Variants in RIMS2 observed in about 807,000 individuals in gnomAD.
RIMS2 encodes regulating synaptic membrane exocytosis 2.
A neutral mutation model predicts 174.4 loss-of-function variants in RIMS2; 59 were observed. That is an observed-to-expected ratio of 0.34 (90% CI 0.27 to 0.42). RIMS2 has a LOEUF of 0.42. Among genes scored for constraint, RIMS2 ranks in the 10% least tolerant of loss-of-function variants. The probability of loss-of-function intolerance (pLI) is 1.00; values close to 1 mark genes in which losing one functional copy is unlikely to be tolerated. For missense variants in RIMS2, 1,620 were observed against 1,666.3 expected (o/e 0.97, Z 0.48); for synonymous variants, 606 against 572.5 (o/e 1.06, Z -0.84).
At chr8:103,881,201 C>T (rs1246520588) in intron 3 of RIMS2, among the ~76,000 whole-genome samples, 2 of 151,174 alleles carry the variant, frequency 1.3e-5, no homozygotes, top group Non-Finnish European at 3.0e-5. Flanking sequence ...CACTGTATGT[C>T]CAGTGTTGTC....
chr8:103,521,694 A>G (rs1341922629), intron 1 of RIMS2, among the ~76,000 whole-genome samples: 1 of 152,024 alleles, frequency 6.6e-6, no homozygotes, highest in East Asian at 1.9e-4. Flanking sequence ...TGTCATGCCA[A>G]ATGTGGGACA....
At chr8:104,198,433 C>T (rs987416438) in intron 19 of RIMS2, among the ~76,000 whole-genome samples, 4 of 152,132 alleles carry the variant, frequency 2.6e-5, no homozygotes, top group Non-Finnish European at 2.9e-5. Context: ...TATTATTTTC[C>T]TCCTTATGAG....
chr8:103,754,463 A>C (rs2097948953), intron 2 of RIMS2, among the ~76,000 whole-genome samples: 1 of 152,166 alleles, frequency 6.6e-6, no homozygotes, highest in African/African-American at 2.4e-5. Flanking sequence ...TGCAGAGCTG[A>C]GTTCAATTCC....
intron 1 of RIMS2, among the ~76,000 whole-genome samples, chr8:103,550,408 T>A (rs1847197507): frequency 6.6e-6 from 1 of 152,074 alleles, no homozygotes; most frequent in Non-Finnish European, 1.5e-5. Flanking sequence ...TTGAAACCAG[T>A]GAGAACAAAG....
At chr8:104,032,193 A>G (rs1290881455) in intron 19 of RIMS2, among the ~76,000 whole-genome samples, 1 of 152,060 alleles carries the variant, frequency 6.6e-6, no homozygotes, top group Non-Finnish European at 1.5e-5. Context: ...TGCAAATGCT[A>G]TTGAGATATT....
At chr8:104,206,486 T>G (rs1400628011) in intron 19 of RIMS2, among the ~76,000 whole-genome samples, 4 of 152,190 alleles carry the variant, frequency 2.6e-5, no homozygotes, top group Non-Finnish European at 5.9e-5. Context: ...CATTAAATTA[T>G]CCATTTAAAA....
intron 19 of RIMS2, among the ~76,000 whole-genome samples, chr8:104,234,351 A>C (rs1408720792): frequency 6.6e-6 from 1 of 152,082 alleles, no homozygotes; most frequent in Non-Finnish European, 1.5e-5. Context: ...TTTCACATCC[A>C]TTCTTGAGAC....
intron 19 of RIMS2, among the ~76,000 whole-genome samples, chr8:104,191,066 C>T (rs1012440328): frequency 6.6e-6 from 1 of 151,756 alleles, no homozygotes; most frequent in African/African-American, 2.4e-5. Flanking sequence ...AGGTTTGTTA[C>T]CTAAATCATT....
chr8:103,931,515 T>C (rs748355845), intron 12 of RIMS2, 122 bp downstream of exon 14: 123 of 605,430 alleles, frequency 2.0e-4, no homozygotes, highest in Non-Finnish European at 2.8e-4. Flanking sequence ...AAGTTTAACA[T>C]AAACGTGATG....
At chr8:104,054,430 T>G (rs1487694218) in intron 19 of RIMS2, among the ~76,000 whole-genome samples, 1 of 152,124 alleles carries the variant, frequency 6.6e-6, no homozygotes, top group Non-Finnish European at 1.5e-5. Flanking sequence ...AATATTTCCT[T>G]TTTTCATTAA....
intron 1 of RIMS2, among the ~76,000 whole-genome samples, chr8:103,560,038 C>T (rs1327261379): frequency 6.6e-6 from 1 of 152,136 alleles, no homozygotes; most frequent in East Asian, 1.9e-4. Context: ...TAGAAGGAGA[C>T]ATTATTATTT....
intron 17 of RIMS2, 124 bp from the exon 20 acceptor site, chr8:104,013,318 A>G (rs1214641810): frequency 1.2e-6 from 1 of 804,582 alleles, no homozygotes; most frequent in Non-Finnish European, 1.9e-6. Flanking sequence ...TGGGGAAAAG[A>G]AAAATTTTTA....
chr8:104,108,651 G>C (rs956123681), intron 19 of RIMS2, among the ~76,000 whole-genome samples: 3 of 151,938 alleles, frequency 2.0e-5, no homozygotes, highest in African/African-American at 7.3e-5. Context: ...TTTCATGCAG[G>C]ATTTTTAGAT....
At chr8:103,663,067 G>T (rs1288591365) in intron 1 of RIMS2, among the ~76,000 whole-genome samples, 1 of 152,038 alleles carries the variant, frequency 6.6e-6, no homozygotes, top group African/African-American at 2.4e-5. Flanking sequence ...TACTCAGGGG[G>T]CTGAGGCAGG....
In RIMS2 at chr8:103,834,676, T is replaced by TTTTCTTTCTTTCTTTCTTTCTTTC. The variant is rs71297240; in HGVS notation, c.699-50576_699-50553dup. Reference sequence around the variant, plus strand: ...TCAAGCCAGCAAGCCTCTGAGGTCTTTTTCTTTCTTTCTTTCTTTCTTTCT... The same window carrying TTTTCTTTCTTTCTTTCTTTCTTTC: ...TCAAGCCAGCAAGCCTCTGAGGTCTTTTTCTTTCTTTCTTTCTTTCTTTCTTTCTTTCTTTCTTTCTTTCTTTCT... On this transcript the variant is annotated intron_variant, in intron 3 of 23. Transcript: ENST00000504942. Among the ~76,000 whole-genome samples the TTTTCTTTCTTTCTTTCTTTCTTTC allele has an allele frequency of 5.7e-4, 69 of 120,092 alleles. 1 individual carries two copies. The highest frequency in any genetic ancestry group is 7.4e-4 in the Admixed American group (9 of 12,092). 78.8% of individuals were successfully genotyped at this position (120,092 alleles called of 152,430 possible).
intron 3 of RIMS2, among the ~76,000 whole-genome samples, chr8:103,797,027 G>C (rs1205629620): frequency 4.6e-5 from 7 of 152,136 alleles, no homozygotes; most frequent in Non-Finnish European, 5.9e-5. Flanking sequence ...GGGTGTTAGG[G>C]AAGGCATTGC....
intron 19 of RIMS2, among the ~76,000 whole-genome samples, chr8:104,218,322 C>T (rs1285298384): frequency 6.6e-6 from 1 of 152,000 alleles, no homozygotes; most frequent in African/African-American, 2.4e-5. Flanking sequence ...CATTACTTCC[C>T]AGAGGGACTT....
At chr8:104,012,220 A>G (rs1200855200) in intron 17 of RIMS2, among the ~76,000 whole-genome samples, 2 of 152,036 alleles carry the variant, frequency 1.3e-5, no homozygotes, top group African/African-American at 4.8e-5. Context: ...TGACTTTAAA[A>G]TGTAAAATAA....
chr8:103,894,002 T>G (rs1242930974), intron 4 of RIMS2, among the ~76,000 whole-genome samples: 1 of 152,076 alleles, frequency 6.6e-6, no homozygotes, highest in Non-Finnish European at 1.5e-5. Flanking sequence ...TAAGGCACCA[T>G]GGAATGTGGA....
Sources: gnomAD v4.1 joint callset for allele counts (sites outside exome capture counted in the v4.1 genomes callset) on GRCh38, gnomAD v4.1.1 for gene constraint, MANE v1.5 for transcripts, NCBI Gene and HGNC (gene_info 2026-07-23, HGNC 2026-07-21) for gene names.